PBX3: variants seen among roughly 807,000 people sequenced by gnomAD.
PBX3 encodes the protein pre-B-cell leukemia transcription factor 3.
In PBX3, 14 loss-of-function variants were observed where a neutral mutation model predicts 48.5. That is an observed-to-expected ratio of 0.29 (90% confidence interval 0.19 to 0.45). The LOEUF (loss-of-function observed/expected upper bound fraction) is 0.45, where lower values mean the gene tolerates loss of function less well. PBX3 is among the 20% of genes least tolerant of loss of function. The pLI is 1.00. For missense variants in PBX3, 386 were observed against 546.7 expected (o/e 0.71, Z 2.93); for synonymous variants, 210 against 200.3 (o/e 1.05, Z -0.41).
intron 7 of PBX3, 60 bp from the exon 8 acceptor site, chr9:125,962,952 T>G: frequency 1.1e-6 from 1 of 875,842 alleles, no homozygotes; most frequent in Non-Finnish European, 1.8e-6. Flanking sequence ...TATTTCCTTT[T>G]GTAAGTGATG....
chr9:125,790,108 TATA>T (rs1371094667), intron 2 of PBX3, among the ~76,000 whole-genome samples: 3 of 152,180 alleles, frequency 2.0e-5, no homozygotes, highest in African/African-American at 7.2e-5. Flanking sequence ...AATGTAAGTG[TATA>T]ATAAGAAAGT....
chr9:125,783,030 CTG>C (rs1229520875), intron 2 of PBX3, among the ~76,000 whole-genome samples: 3 of 152,220 alleles, frequency 2.0e-5, no homozygotes, highest in South Asian at 4.2e-4. Flanking sequence ...ATGTGAATCT[CTG>C]TGTGTATCTT....
intron 2 of PBX3, among the ~76,000 whole-genome samples, chr9:125,792,891 G>A (rs1167261760): frequency 6.6e-6 from 1 of 151,446 alleles, no homozygotes; most frequent in East Asian, 2.0e-4. Context: ...GTAGAGACCA[G>A]GTTTCACCAT....
chr9:125,802,143 GA>G (rs1488072113), intron 2 of PBX3, among the ~76,000 whole-genome samples: 1 of 151,912 alleles, frequency 6.6e-6, no homozygotes, highest in Non-Finnish European at 1.5e-5. Flanking sequence ...TTTAGATTCA[GA>G]GGGTACACGT....
intron 2 of PBX3, among the ~76,000 whole-genome samples, chr9:125,763,212 A>G (rs1196248067): frequency 2.0e-5 from 3 of 152,226 alleles, no homozygotes; most frequent in Admixed American, 6.5e-5. Context: ...TGTGGGGGAA[A>G]AAAATTGTCA....
At chr9:125,825,082 G>A (rs754340471) in intron 2 of PBX3, among the ~76,000 whole-genome samples, 2 of 152,256 alleles carry the variant, frequency 1.3e-5, no homozygotes, top group South Asian at 2.1e-4. Flanking sequence ...TCAGGAGTTC[G>A]AGACCAGCCT....
chr9:125,960,647 C>T (rs1842408140), intron 5 of PBX3, 37 bp from the exon 6 acceptor site: 1 of 1,602,810 alleles, frequency 6.2e-7, no homozygotes, highest in Non-Finnish European at 8.5e-7. Flanking sequence ...ACTTCTTCCT[C>T]TCTTCCCCTT....
chr9:125,798,464 T>C (rs10986927), intron 2 of PBX3, among the ~76,000 whole-genome samples: 3,063 of 151,968 alleles, frequency 0.02, 173 homozygotes, highest in East Asian at 0.17. Flanking sequence ...AAGGATCCTT[T>C]TCTTCTCTTC....
chr9:125,843,123 CT>C (rs1010278480), intron 2 of PBX3, among the ~76,000 whole-genome samples: 1 of 151,980 alleles, frequency 6.6e-6, no homozygotes, highest in African/African-American at 2.4e-5. Flanking sequence ...ACAGGTCTCC[CT>C]AAAATATCCA....
At chr9:125,824,913 C>T (rs1838762585) in intron 2 of PBX3, among the ~76,000 whole-genome samples, 2 of 152,100 alleles carry the variant, frequency 1.3e-5, no homozygotes, top group Admixed American at 1.3e-4. Flanking sequence ...ATCCTTGTAT[C>T]AACTCTATGA....
chr9:125,848,268 A>G (rs1010565561), intron 2 of PBX3, among the ~76,000 whole-genome samples: 1 of 152,010 alleles, frequency 6.6e-6, no homozygotes, highest in Non-Finnish European at 1.5e-5. Context: ...AATCACCTCA[A>G]GGTATAGTCT....
At chr9:125,796,047 T>C (rs555704796) in intron 2 of PBX3, among the ~76,000 whole-genome samples, 1 of 152,196 alleles carries the variant, frequency 6.6e-6, no homozygotes, top group East Asian at 1.9e-4. Context: ...AGCTTATCCT[T>C]TTGCAGTATT....
intron 2 of PBX3, among the ~76,000 whole-genome samples, chr9:125,842,127 T>G (rs773807945): frequency 6.6e-6 from 1 of 152,202 alleles, no homozygotes; most frequent in Non-Finnish European, 1.5e-5. Context: ...GATGATGAAG[T>G]AACTGACCTC....
Position 125,793,364 on chromosome 9 carries a change from A to ATATATATAT in PBX3, c.274+44741_274+44742insTATATATAT, listed in dbSNP as rs1263966407. ...GAGACTCCATTTGGGGGGGAAAAAA[A>ATATATATAT]AAATATATATATATATATATATATA... On this transcript the variant is annotated intron_variant, in intron 2 of 8. Transcript: ENST00000373489. Among the ~76,000 whole-genome samples the ATATATATAT allele has an allele frequency of 8.7e-3, 515 of 58,966 alleles. 7 individuals are homozygous for ATATATATAT. Among genetic ancestry groups the ATATATATAT allele is most frequent in the African/African-American group, 0.023 (420 of 18,284 alleles). 38.7% of individuals were successfully genotyped at this position (58,966 alleles called of 152,430 possible).
chr9:125,929,448 C>G (rs1023705610), intron 3 of PBX3, among the ~76,000 whole-genome samples: 6 of 152,166 alleles, frequency 3.9e-5, no homozygotes, highest in East Asian at 1.9e-4. Flanking sequence ...ATGCTGTCTC[C>G]TTGCACGTCT....
intron 2 of PBX3, among the ~76,000 whole-genome samples, chr9:125,824,418 C>G (rs768626160): frequency 2.0e-5 from 3 of 152,138 alleles, no homozygotes; most frequent in Non-Finnish European, 2.9e-5. Flanking sequence ...CCTTATTGAT[C>G]CAGTATTTCA....
At chr9:125,760,433 G>A (rs1836635561) in intron 2 of PBX3, among the ~76,000 whole-genome samples, 1 of 151,934 alleles carries the variant, frequency 6.6e-6, no homozygotes, top group Admixed American at 6.6e-5. Flanking sequence ...GAGAAGAAAA[G>A]AATCTGATGT....
intron 2 of PBX3, among the ~76,000 whole-genome samples, chr9:125,886,082 T>G (rs1588259715): frequency 6.6e-6 from 1 of 152,116 alleles, no homozygotes; most frequent in Non-Finnish European, 1.5e-5. Context: ...ATGTAAGTTG[T>G]ACTGGAGGAA....
chr9:125,887,261 C>T (rs1411547647), intron 2 of PBX3, among the ~76,000 whole-genome samples: 1 of 152,098 alleles, frequency 6.6e-6, no homozygotes, highest in Non-Finnish European at 1.5e-5. Flanking sequence ...AAGCAGTGTG[C>T]TCTGTAGTAA....
Sources: allele counts gnomAD v4.1 joint callset (sites outside exome capture counted in the v4.1 genomes callset), GRCh38; gene constraint gnomAD v4.1.1; transcripts MANE v1.5; gene names NCBI Gene and HGNC (gene_info 2026-07-23, HGNC 2026-07-21).